Variants in ACVR1 observed in about 807,000 individuals in gnomAD.
The protein encoded by ACVR1 is activin A receptor type 1.
In ACVR1, 38 loss-of-function variants were observed where a neutral mutation model predicts 57.1. The ratio of observed to expected loss-of-function variants is 0.67; its 90% CI spans 0.51 to 0.87. The LOEUF (loss-of-function observed/expected upper bound fraction) is 0.87. Among genes scored for constraint, ACVR1 ranks in the 40% least tolerant of loss-of-function variants. The pLI is 0.00. For missense variants in ACVR1, 463 were observed against 638.2 expected (o/e 0.73, Z 2.96); for synonymous variants, 212 against 228.1 (o/e 0.93, Z 0.63).
chr2:157,825,935 T>C (rs1010493991), intron 1 of ACVR1, among the ~76,000 whole-genome samples: 1 of 152,210 alleles, frequency 6.6e-6, no homozygotes, highest in African/African-American at 2.4e-5. Context: ...ATCGCCTTTC[T>C]GTCTGTTTGG....
At chr2:157,845,250 C>T (rs1689094508) in intron 1 of ACVR1, among the ~76,000 whole-genome samples, 1 of 152,138 alleles carries the variant, frequency 6.6e-6, no homozygotes, top group Non-Finnish European at 1.5e-5. Flanking sequence ...AACCTTGGAA[C>T]CTGTGAGTGT....
chr2:157,842,745 C>T (rs1400322629), intron 1 of ACVR1, among the ~76,000 whole-genome samples: 2 of 152,146 alleles, frequency 1.3e-5, no homozygotes, highest in Admixed American at 1.3e-4. Context: ...GCTTCCCCCA[C>T]CCCCTGAAAA....
Position 157,778,387 on chromosome 2 carries a change from C to T in ACVR1, c.332-45G>A. On this transcript the variant is annotated intron_variant, in intron 4 of 10. Transcript: ENST00000434821. ...GGGGAATTAGTTGTAAGGATCACTG[C>T]TTACTTATTATTAGCATAACCAATA... 2.7e-6 allele frequency: 4 copies of T among 1,491,072 alleles called. No homozygotes were observed. In the South Asian group the frequency reaches 3.5e-5, roughly 13 times the overall value. The allele number at this position is 1,491,072 out of a possible 1,614,324, so 92.4% of individuals were successfully genotyped here.
intron 1 of ACVR1, among the ~76,000 whole-genome samples, chr2:157,838,686 C>T (rs1688874181): frequency 1.3e-5 from 2 of 152,284 alleles, no homozygotes; most frequent in South Asian, 4.1e-4. Flanking sequence ...ACAGAGCCAG[C>T]CACACTGCAG....
At chr2:157,818,860 C>T (rs1015458698) in intron 1 of ACVR1, among the ~76,000 whole-genome samples, 8 of 151,790 alleles carry the variant, frequency 5.3e-5, no homozygotes, top group African/African-American at 1.2e-4. Flanking sequence ...GGGCGGATCA[C>T]GAGGTCAGGA....
chr2:157,767,222 G>A (rs1685898051), intron 7 of ACVR1, among the ~76,000 whole-genome samples: 2 of 152,056 alleles, frequency 1.3e-5, no homozygotes, highest in Admixed American at 6.6e-5. Flanking sequence ...AAGTAGAGAT[G>A]AGGTTTCCCC....
chr2:157,809,373 G>A (rs960294180), intron 2 of ACVR1, among the ~76,000 whole-genome samples: 1 of 151,994 alleles, frequency 6.6e-6, no homozygotes, highest in African/African-American at 2.4e-5. Flanking sequence ...AGATAATTGT[G>A]GTATGACTCA....
At chr2:157,774,666 G>T (rs1369291227) in intron 5 of ACVR1, among the ~76,000 whole-genome samples, 1 of 152,166 alleles carries the variant, frequency 6.6e-6, no homozygotes, top group Non-Finnish European at 1.5e-5. Flanking sequence ...GCCTGGCCAG[G>T]AAAAGTTTTA....
In ACVR1 at chr2:157,770,359, T is replaced by C; in HGVS notation, c.790+9A>G. 1 of 1,613,964 alleles carries C rather than the reference T, an allele frequency of 6.2e-7. No individual in the cohort carries two copies. The highest frequency in any genetic ancestry group is 1.3e-5 in the African/African-American group (1 of 75,038). ...ATACAATTAATGAGGGGGTTATCCT[T>C]GTACTTACCTAAGATATTTTCATGC... On this transcript the variant is annotated intron_variant, in intron 7 of 10. Coordinates refer to ENST00000434821, the MANE Select transcript of ACVR1 (RefSeq NM_001111067.4).
chr2:157,864,621 G>A (rs933478859), intron 1 of ACVR1, among the ~76,000 whole-genome samples: 1 of 152,092 alleles, frequency 6.6e-6, no homozygotes, highest in Non-Finnish European at 1.5e-5. Context: ...ATCTTTTTAA[G>A]CAATACTGGC....
chr2:157,838,101 A>C (rs1422810241), intron 1 of ACVR1: 1 of 151,638 alleles, frequency 6.6e-6, no homozygotes, highest in East Asian at 1.9e-4. Context: ...CCCCCTCCCC[A>C]CACACACTCT....
At chr2:157,819,720 G>A (rs1688092192) in intron 1 of ACVR1, among the ~76,000 whole-genome samples, 1 of 150,088 alleles carries the variant, frequency 6.7e-6, no homozygotes, top group African/African-American at 2.5e-5. Flanking sequence ...TGGGGAAGGA[G>A]TACAAAGCGG....
chr2:157,785,265 T>C (rs1686672645), intron 3 of ACVR1, among the ~76,000 whole-genome samples: 1 of 152,196 alleles, frequency 6.6e-6, no homozygotes, highest in Non-Finnish European at 1.5e-5. Context: ...TCAAAATTTG[T>C]ATAGCTAAAA....
intron 9 of ACVR1, among the ~76,000 whole-genome samples, chr2:157,760,619 G>A (rs962253950): frequency 6.6e-6 from 1 of 151,986 alleles, no homozygotes; most frequent in Non-Finnish European, 1.5e-5. Flanking sequence ...AAGAAATCTG[G>A]AACAAATCCA....
At chr2:157,760,572 G>A (rs529040063) in intron 9 of ACVR1, among the ~76,000 whole-genome samples, 2 of 152,116 alleles carry the variant, frequency 1.3e-5, no homozygotes, top group Non-Finnish European at 2.9e-5. Context: ...CCCCATAAAC[G>A]CAAGTATTAC....
chr2:157,758,980 G>A (rs1023062859), intron 9 of ACVR1, among the ~76,000 whole-genome samples: 7 of 151,772 alleles, frequency 4.6e-5, no homozygotes, highest in Admixed American at 6.6e-5. Context: ...AAAGTCAATC[G>A]GATACAACAA....
intron 1 of ACVR1, among the ~76,000 whole-genome samples, chr2:157,853,236 C>T (rs1185512840): frequency 1.3e-5 from 2 of 152,136 alleles, no homozygotes; most frequent in Admixed American, 1.3e-4. Context: ...GTGGCTTAAA[C>T]AGAAATTTAC....
At chr2:157,779,002 G>A (rs145859623) in intron 4 of ACVR1, among the ~76,000 whole-genome samples, 9 of 152,070 alleles carry the variant, frequency 5.9e-5, no homozygotes, top group East Asian at 5.8e-4. Context: ...CTTCCTTTAC[G>A]TATTTGTTTA....
At chr2:157,779,498 C>T (rs556814791) in intron 4 of ACVR1, among the ~76,000 whole-genome samples, 23 of 152,248 alleles carry the variant, frequency 1.5e-4, no homozygotes, top group African/African-American at 5.5e-4. Context: ...CTTTTTTGTT[C>T]TTCTGCCTCC....
Sources: gnomAD v4.1 joint callset for allele counts (sites outside exome capture counted in the v4.1 genomes callset) on GRCh38, gnomAD v4.1.1 for gene constraint, MANE v1.5 for transcripts, NCBI Gene and HGNC (gene_info 2026-07-23, HGNC 2026-07-21) for gene names.